Variants in LNX2 observed in about 807,000 individuals in gnomAD.
The protein encoded by LNX2 is ligand of numb-protein X 2, also known as ligand of Numb protein X 2.
A neutral mutation model predicts 66.2 loss-of-function variants in LNX2; 35 were observed. The observed-to-expected ratio is 0.53, with a 90% CI of 0.40 to 0.70. The LOEUF (loss-of-function observed/expected upper bound fraction) is 0.70, where lower values mean the gene tolerates loss of function less well. Among genes scored for constraint, LNX2 ranks in the 30% least tolerant of loss-of-function variants. The pLI is 0.00. For missense variants in LNX2, 791 were observed against 850.8 expected, an observed-to-expected ratio of 0.93 and a Z score of 0.87; for synonymous variants, 337 against 315.6, an observed-to-expected ratio of 1.07 and a Z score of -0.72.
chr13:27,601,721 C>G (rs1416120771), intron 1 of LNX2, among the ~76,000 whole-genome samples: 1 of 152,078 alleles, frequency 6.6e-6, no homozygotes, highest in Non-Finnish European at 1.5e-5. Context: ...GGTCTCAGTT[C>G]TGTCATCTAG....
chr13:27,562,306 GA>G (rs1955144718), intron 5 of LNX2, 106 bp downstream of exon 5: 3 of 1,362,420 alleles, frequency 2.2e-6, no homozygotes, highest in Non-Finnish European at 3.0e-6. Flanking sequence ...ATTTTCTAAT[GA>G]AATATAAAAT....
At chr13:27,585,849 T>C (rs964634729) in intron 1 of LNX2, among the ~76,000 whole-genome samples, 1 of 152,150 alleles carries the variant, frequency 6.6e-6, no homozygotes. Flanking sequence ...AAGACGATTA[T>C]ATTTTAGCTA....
At chr13:27,583,221 T>TCCTCTCCTATATAA (rs1955430262) in intron 1 of LNX2, among the ~76,000 whole-genome samples, 1 of 19,622 alleles carries the variant, frequency 5.1e-5, no homozygotes, top group African/African-American at 2.8e-4. Context: ...TGTGTGTGTG[T>TCCTCTCCTATATAA]GTGTGTGTGT....
intron 1 of LNX2, among the ~76,000 whole-genome samples, chr13:27,618,906 A>C (rs1333638288): frequency 6.6e-6 from 1 of 152,252 alleles, no homozygotes; most frequent in African/African-American, 2.4e-5. Context: ...CTATTCTTAC[A>C]GGTCTCCAGG....
At chr13:27,606,066 G>C (rs1250084599) in intron 1 of LNX2, among the ~76,000 whole-genome samples, 1 of 152,102 alleles carries the variant, frequency 6.6e-6, no homozygotes, top group African/African-American at 2.4e-5. Flanking sequence ...TATTAAAACT[G>C]TAAAGGGACA....
rs1207668848 is a variant in LNX2, at chr13:27,562,727, A to G, written c.910T>C (p.Ser304Pro). The change falls in exon 5 of 10, where the codon TCC (serine) becomes CCC (proline). Residue 304 changes from serine (S) to proline (P), a missense_variant. Physicochemically the swap from Ser to Pro is moderately conservative, Grantham distance 74 (BLOSUM62 -1). Transcript: ENST00000316334. ...AGATGCAGTGTGTTGCAGGGCTGGG[A>G]AAGGACAGCTCGGGCATAGTTATGG... ...VSHNYARAVL[S>P]QPCNTLHLTV... The G allele has an allele frequency of 6.2e-7, 1 of 1,614,144 alleles. No individual in the cohort carries two copies. Among genetic ancestry groups the G allele is most frequent in the Non-Finnish European group, 8.5e-7 (1 of 1,179,980 alleles).
chr13:27,569,356 T>G (rs1778801813), intron 2 of LNX2, 80 bp from the exon 3 acceptor site: 25 of 1,471,092 alleles, frequency 1.7e-5, no homozygotes, highest in Non-Finnish European at 2.3e-5. Context: ...GACTAATAGC[T>G]TCTACACAAA....
At chr13:27,611,270 C>G (rs1234223583) in intron 1 of LNX2, among the ~76,000 whole-genome samples, 3 of 152,128 alleles carry the variant, frequency 2.0e-5, no homozygotes, top group African/African-American at 7.2e-5. Context: ...TTCAGCTTTA[C>G]AAAGGAAGGA....
chr13:27,557,249 T>C (rs1278130668), intron 6 of LNX2, among the ~76,000 whole-genome samples: 4 of 152,110 alleles, frequency 2.6e-5, no homozygotes, highest in Non-Finnish European at 5.9e-5. Flanking sequence ...ACAAAAGTCC[T>C]GAAATTATAT....
intron 8 of LNX2, 35 bp downstream of exon 8, chr13:27,553,172 AT>A: frequency 6.5e-7 from 1 of 1,548,862 alleles, no homozygotes; most frequent in Non-Finnish European, 8.9e-7. Flanking sequence ...AAGCATGATT[AT>A]GATTTCCATA....
intron 1 of LNX2, among the ~76,000 whole-genome samples, chr13:27,616,760 C>A (rs1566136448): frequency 6.6e-6 from 1 of 152,132 alleles, no homozygotes; most frequent in Non-Finnish European, 1.5e-5. Flanking sequence ...TTAAAAAATT[C>A]CTTTTTTGAG....
chr13:27,601,295 G>A (rs1955655230), intron 1 of LNX2, among the ~76,000 whole-genome samples: 2 of 152,136 alleles, frequency 1.3e-5, no homozygotes, highest in Non-Finnish European at 2.9e-5. Flanking sequence ...AGCAGTACCT[G>A]AAATTAAGAT....
At chr13:27,555,515 T>C (rs1955047331) in intron 7 of LNX2, among the ~76,000 whole-genome samples, 1 of 152,244 alleles carries the variant, frequency 6.6e-6, no homozygotes, top group South Asian at 2.1e-4. Flanking sequence ...TATTTTCTTC[T>C]GTTGCTTTTG....
chr13:27,567,893 C>T (rs1388438002), intron 3 of LNX2, 54 bp from the exon 4 acceptor site: 15 of 1,414,416 alleles, frequency 1.1e-5, no homozygotes, highest in South Asian at 7.0e-5. Flanking sequence ...AATAAACAAA[C>T]CCAACAATTT....
intron 2 of LNX2, 89 bp downstream of exon 2, chr13:27,581,208 G>T: frequency 2.8e-6 from 3 of 1,055,828 alleles, no homozygotes; most frequent in Non-Finnish European, 3.9e-6. Context: ...CTAGTGCTCT[G>T]GTTTGTTTTG....
chr13:27,593,551 T>A (rs1461040172), intron 1 of LNX2, among the ~76,000 whole-genome samples: 6 of 150,672 alleles, frequency 4.0e-5, no homozygotes, highest in African/African-American at 1.5e-4. Context: ...TGAAACTCTT[T>A]GCTGGCTGAA....
chr13:27,601,380 G>A (rs1955656547), intron 1 of LNX2, among the ~76,000 whole-genome samples: 1 of 152,152 alleles, frequency 6.6e-6, no homozygotes, highest in Admixed American at 6.5e-5. Flanking sequence ...AATACGTGAT[G>A]CAATTCCACA....
chr13:27,559,787 C>T, intron 6 of LNX2, 55 bp downstream of exon 6: 17 of 1,420,934 alleles, frequency 1.2e-5, no homozygotes, highest in South Asian at 1.0e-4. Flanking sequence ...TAAATCTTAC[C>T]AGCTTGTAAC....
At chr13:27,560,565 G>GTGTGTATGTGTGTATATATATATATA (rs35007288) in intron 5 of LNX2, among the ~76,000 whole-genome samples, 10 of 119,970 alleles carry the variant, frequency 8.3e-5, no homozygotes, top group Admixed American at 2.4e-4. Flanking sequence ...ATGTATGTGT[G>GTGTGTATGTGTGTATATATATATATA]TATATATATA....
Sources: allele counts gnomAD v4.1 joint callset (sites outside exome capture counted in the v4.1 genomes callset), GRCh38; gene constraint gnomAD v4.1.1; transcripts MANE v1.5; gene names NCBI Gene and HGNC (gene_info 2026-07-23, HGNC 2026-07-21).